Variants in CDS1 observed in about 807,000 individuals in gnomAD.
CDS1 encodes CDP-diacylglycerol synthase 1, also known as phosphatidate cytidylyltransferase 1.
A neutral mutation model predicts 62.1 loss-of-function variants in CDS1; 41 were observed. The observed-to-expected ratio is 0.66, with a 90% CI of 0.51 to 0.86. The LOEUF (loss-of-function observed/expected upper bound fraction) is 0.86. Among genes scored for constraint, CDS1 ranks in the 40% least tolerant of loss-of-function variants. CDS1 has a pLI of 0.00. For missense variants in CDS1, 470 were observed against 550.1 expected (o/e 0.85, Z 1.46); for synonymous variants, 185 against 192.6 (o/e 0.96, Z 0.32).
chr4:84,646,133 C>T (rs937491060), intron 12 of CDS1, among the ~76,000 whole-genome samples: 8 of 152,108 alleles, frequency 5.3e-5, no homozygotes, highest in African/African-American at 1.9e-4. Flanking sequence ...CTTCATAGTA[C>T]TTGGAAGGAA....
intron 1 of CDS1, among the ~76,000 whole-genome samples, chr4:84,601,927 A>G (rs544622926): frequency 1.9e-4 from 25 of 131,364 alleles, no homozygotes; most frequent in African/African-American, 7.0e-4. Flanking sequence ...AAATAAATAC[A>G]TACATGCATA....
Position 84,636,170 on chromosome 4 carries a change from C to G in CDS1, c.810+819C>G, listed in dbSNP as rs559964810. Among the ~76,000 whole-genome samples the G allele has an allele frequency of 8.9e-4, 136 of 152,244 alleles. 2 individuals are homozygous for G. The highest frequency in any genetic ancestry group is 3.1e-3 in the African/African-American group (127 of 41,558). ...CTCTCCCTTCAACCTGTCGCCTTAC[C>G]TGTCCCCTCCTTTACCAAACTTTCT... On this transcript the variant is annotated intron_variant, in intron 8 of 12. Coordinates refer to ENST00000295887, the MANE Select transcript of CDS1 (RefSeq NM_001263.4).
Position 84,599,399 on chromosome 4 carries a change from C to T in CDS1, c.118-4844C>T, listed in dbSNP as rs982309265. ...ATATAATTTGGCAAATTTTGACACA[C>T]ACACACATATATATATATATATATA... is the stretch of plus-strand genomic sequence containing the variant. On this transcript the variant is annotated intron_variant, in intron 1 of 12. Coordinates refer to ENST00000295887, the MANE Select transcript of CDS1 (RefSeq NM_001263.4). 4.0e-3 allele frequency among the ~76,000 whole-genome samples: 73 copies of T among 18,100 alleles called. 1 individual carries two copies. Among genetic ancestry groups the T allele is most frequent in the African/African-American group, 5.9e-3 (67 of 11,380 alleles). The allele number at this position is 18,100 out of a possible 152,430, so 11.9% of individuals were successfully genotyped here.
chr4:84,640,628 CT>C (rs796320381), intron 9 of CDS1, among the ~76,000 whole-genome samples: 3 of 151,430 alleles, frequency 2.0e-5, no homozygotes, highest in African/African-American at 4.9e-5. Context: ...TTCAAAAAAA[CT>C]TTTTTTTTCT....
At chr4:84,601,289 T>G (rs768228328) in intron 1 of CDS1, among the ~76,000 whole-genome samples, 5 of 152,110 alleles carry the variant, frequency 3.3e-5, no homozygotes, top group Non-Finnish European at 7.4e-5. Flanking sequence ...AGGTGGTGCC[T>G]AAGTTTCTGA....
rs1309531585 is a variant in CDS1 at position 84,650,777 on chromosome 4, A to G, written c.*2091A>G. The stretch of plus-strand genomic sequence containing the variant: ...ACATTATCCTATATGTAAAAAAGCA[A>G]ATTATTAATTTTAATGGAGCTCTCG... On this transcript the variant is annotated 3_prime_UTR_variant, in exon 13 of 13. Transcript: ENST00000295887. The G allele has an allele frequency of 6.6e-6, 1 of 152,210 alleles. No homozygotes were observed. Among genetic ancestry groups the G allele is most frequent in the East Asian group, 1.9e-4 (1 of 5,200 alleles). 9.4% of individuals were successfully genotyped at this position (152,210 alleles called of 1,614,324 possible). A position where few individuals can be genotyped will look rare whatever the true frequency, so the allele number is the denominator to read the frequency against.
chr4:84,648,422 A>C, intron 12 of CDS1, 135 bp from the exon 13 acceptor site: 1 of 744,036 alleles, frequency 1.3e-6, no homozygotes, highest in East Asian at 2.7e-5. Context: ...GTGAGCTATT[A>C]TCAAGAGCTA....
intron 4 of CDS1, among the ~76,000 whole-genome samples, 177 bp from the exon 5 acceptor site, chr4:84,619,217 A>C (rs1037229940): frequency 3.3e-5 from 5 of 152,226 alleles, no homozygotes; most frequent in Non-Finnish European, 7.3e-5. Context: ...TTGCTAATCA[A>C]TAAATTTGAA....
chr4:84,605,678 A>G (rs1181169379), intron 2 of CDS1, among the ~76,000 whole-genome samples: 1 of 152,168 alleles, frequency 6.6e-6, no homozygotes, highest in African/African-American at 2.4e-5. Flanking sequence ...TTCTGTAAGA[A>G]TGATGCCAGA....
chr4:84,598,784 A>G (rs1258295925), intron 1 of CDS1, among the ~76,000 whole-genome samples: 1 of 152,044 alleles, frequency 6.6e-6, no homozygotes, highest in East Asian at 1.9e-4. Flanking sequence ...TTTTACTTCA[A>G]CTGACATAAT....
At chr4:84,604,424 T>C (rs1265895038) in intron 2 of CDS1, 54 bp downstream of exon 2, 1 of 1,550,048 alleles carries the variant, frequency 6.5e-7, no homozygotes, top group African/African-American at 1.4e-5. Flanking sequence ...GCTTTGAGGT[T>C]ATCCTTGTCC....
intron 10 of CDS1, among the ~76,000 whole-genome samples, chr4:84,641,801 T>C (rs1394227713): frequency 6.6e-6 from 1 of 152,204 alleles, no homozygotes; most frequent in Non-Finnish European, 1.5e-5. Context: ...TAATAGCATG[T>C]ATGTCTGTAT....
At chr4:84,614,806 A>G (rs1249348550) in intron 3 of CDS1, among the ~76,000 whole-genome samples, 1 of 152,232 alleles carries the variant, frequency 6.6e-6, no homozygotes, top group African/African-American at 2.4e-5. Flanking sequence ...TAAAGAATAA[A>G]GAGAAGGTTG....
At chr4:84,609,144 A>G (rs1360635710) in intron 2 of CDS1, among the ~76,000 whole-genome samples, 1 of 145,644 alleles carries the variant, frequency 6.9e-6, no homozygotes, top group Non-Finnish European at 1.5e-5. Flanking sequence ...ACGCCACTGC[A>G]CTCCAGCCTG....
chr4:84,623,831 A>G (rs1723766977), intron 5 of CDS1, among the ~76,000 whole-genome samples: 2 of 151,990 alleles, frequency 1.3e-5, no homozygotes, highest in Admixed American at 6.5e-5. Flanking sequence ...GCTGGACATC[A>G]AAGATGGCTC....
At position 84,636,051 on chromosome 4, in the gene CDS1, CT is replaced by C. The variant is rs1186183549; in HGVS notation, c.810+701del. Among the ~76,000 whole-genome samples the C allele has an allele frequency of 3.3e-5, 5 of 152,202 alleles. No individual in the cohort carries two copies. In the East Asian group the frequency reaches 9.7e-4, roughly 30 times the overall value. ...GGATTAAAGGCGTGAGCCACCGCCC[CT>C]GGGCTCTGTGGTTTTTTCTCTCGGC... On this transcript the variant is annotated intron_variant, in intron 8 of 12. Coordinates refer to ENST00000295887, the MANE Select transcript of CDS1 (RefSeq NM_001263.4).
chr4:84,596,668 A>G (rs1722760771), intron 1 of CDS1, among the ~76,000 whole-genome samples: 1 of 152,134 alleles, frequency 6.6e-6, no homozygotes, highest in Admixed American at 6.5e-5. Flanking sequence ...GAATTGTACC[A>G]ACATCTTCAC....
rs939079883 is a variant in CDS1, at chr4:84,650,290, C to G, written c.*1604C>G. Reference sequence around the variant, plus strand: ...TGGTCCAGCATATACTCCATTGATTCATCATCACTGCATGTGTTCAGCCAG... The same window carrying G: ...TGGTCCAGCATATACTCCATTGATTGATCATCACTGCATGTGTTCAGCCAG... On this transcript the variant is annotated 3_prime_UTR_variant, in exon 13 of 13. Coordinates refer to ENST00000295887, the MANE Select transcript of CDS1 (RefSeq NM_001263.4). 2.0e-5 allele frequency: 3 copies of G among 152,138 alleles called. No homozygotes were observed. The highest frequency in any genetic ancestry group is 4.4e-5 in the Non-Finnish European group (3 of 68,020). 9.4% of individuals were successfully genotyped at this position (152,138 alleles called of 1,614,324 possible). A position where few individuals can be genotyped will look rare whatever the true frequency, so the allele number is the denominator to read the frequency against.
In CDS1 at chr4:84,619,044, TACACACACACACACACACACACAC is replaced by T. The variant is rs33991933; in HGVS notation, c.441-331_441-308del. Among the ~76,000 whole-genome samples the T allele has an allele frequency of 2.3e-3, 324 of 140,994 alleles. 1 individual carries two copies. Among genetic ancestry groups the T allele is most frequent in the African/African-American group, 7.7e-3 (297 of 38,682 alleles). The allele number at this position is 140,994 out of a possible 152,430, so 92.5% of individuals were successfully genotyped here. ...ACATACACACAAAGTATTAAATTTA[TACACACACACACACACACACACAC>T]ACACACACACACACACACTGCTCCC... On this transcript the variant is annotated intron_variant, in intron 4 of 12. Transcript: ENST00000295887.
Sources: allele counts gnomAD v4.1 joint callset (sites outside exome capture counted in the v4.1 genomes callset), GRCh38; gene constraint gnomAD v4.1.1; transcripts MANE v1.5; gene names NCBI Gene and HGNC (gene_info 2026-07-23, HGNC 2026-07-21).